NLK: variants seen among roughly 807,000 people sequenced by gnomAD.
NLK encodes the protein nemo like kinase.
In NLK, 11 loss-of-function variants were observed where a neutral mutation model predicts 59.0. The ratio of observed to expected loss-of-function variants is 0.19; its 90% CI spans 0.12 to 0.31. The LOEUF (loss-of-function observed/expected upper bound fraction) is 0.31, where lower values mean the gene tolerates loss of function less well. Ranked by LOEUF, NLK falls within the 10% of genes least tolerant of loss-of-function variation. The probability of loss-of-function intolerance (pLI) is 1.00; values close to 1 mark genes in which losing one functional copy is unlikely to be tolerated. For synonymous variants in NLK, 235 were observed against 235.9 expected (o/e 1.00, Z 0.03); for missense variants, 410 against 661.1 (o/e 0.62, Z 4.16).
Position 28,152,651 on chromosome 17 carries a change from C to T in NLK, c.645-8509C>T, listed in dbSNP as rs113269711. Among the ~76,000 whole-genome samples the T allele has an allele frequency of 8.8e-3, 1,329 of 151,842 alleles. 21 individuals carry two copies. The highest frequency in any genetic ancestry group is 0.03 in the African/African-American group (1,251 of 41,412). On this transcript the variant is annotated intron_variant, in intron 3 of 10. Transcript: ENST00000407008. ...TACTTTTTTTTTTTTGAGATGGGGA[C>T]TCAACTCTGTCACCCAGGTGGGAGT... is the stretch of plus-strand genomic sequence containing the variant.
Position 28,185,261 on chromosome 17 carries a change from AT to A in NLK, c.1233del (p.Pro412HisfsTer11). 6.4e-7 allele frequency: 1 copy of A among 1,561,098 alleles called. No individual in the cohort carries two copies. Among genetic ancestry groups the A allele is most frequent in the Non-Finnish European group, 8.7e-7 (1 of 1,147,504 alleles). On this transcript the variant is annotated frameshift_variant, in exon 8 of 11. Coordinates refer to ENST00000407008, the MANE Select transcript of NLK (RefSeq NM_016231.5). LOFTEE classifies it high-confidence loss of function. ...CTCCTTTGCAGGATGTTGGTCTTTG[AT>A]CCAGTAAGTAGTGTTTTTTTTTATA... ...VHLLCRMLVF[D>X]PSKRISAKDA...
chr17:28,127,645 G>A (rs1242487643), intron 2 of NLK, among the ~76,000 whole-genome samples: 1 of 152,128 alleles, frequency 6.6e-6, no homozygotes, highest in Non-Finnish European at 1.5e-5. Flanking sequence ...TGATTGATAG[G>A]TCTTTTCTTC....
chr17:28,077,879 G>A (rs974991039), intron 1 of NLK, among the ~76,000 whole-genome samples: 6 of 151,994 alleles, frequency 3.9e-5, no homozygotes, highest in South Asian at 4.2e-4. Flanking sequence ...CATAAGTTTC[G>A]AAGAAAGAGT....
At chr17:28,193,961 C>T (rs1028190338) in intron 10 of NLK, among the ~76,000 whole-genome samples, 1 of 152,124 alleles carries the variant, frequency 6.6e-6, no homozygotes, top group Non-Finnish European at 1.5e-5. Flanking sequence ...TACACTTTTC[C>T]CTCTCAAGTT....
At chr17:28,116,797 A>G (rs771724833) in intron 1 of NLK, among the ~76,000 whole-genome samples, 5 of 152,208 alleles carry the variant, frequency 3.3e-5, no homozygotes, top group Non-Finnish European at 5.9e-5. Context: ...TACTGAACAC[A>G]TATCTTTCAG....
chr17:28,060,831 A>G (rs1168097719), intron 1 of NLK, among the ~76,000 whole-genome samples: 1 of 152,188 alleles, frequency 6.6e-6, no homozygotes. Context: ...TGGAGTCTTG[A>G]TTGGAGAGCA....
intron 7 of NLK, among the ~76,000 whole-genome samples, chr17:28,184,213 G>C (rs1436719578): frequency 1.3e-5 from 2 of 152,218 alleles, no homozygotes; most frequent in Admixed American, 6.5e-5. Context: ...GGTTCTGTAA[G>C]TTCTTGCATG....
At chr17:28,115,590 G>A (rs1024770025) in intron 1 of NLK, among the ~76,000 whole-genome samples, 4 of 152,014 alleles carry the variant, frequency 2.6e-5, no homozygotes, top group South Asian at 4.1e-4. Flanking sequence ...TTTCAAAACC[G>A]ACCTATCCTT....
chr17:28,075,830 C>T (rs750366290), intron 1 of NLK, among the ~76,000 whole-genome samples: 5 of 152,128 alleles, frequency 3.3e-5, no homozygotes, highest in Non-Finnish European at 7.4e-5. Context: ...CCTCTTCCCG[C>T]ACCCTTTAAT....
At chr17:28,154,171 G>A (rs1907603187) in intron 3 of NLK, among the ~76,000 whole-genome samples, 1 of 152,214 alleles carries the variant, frequency 6.6e-6, no homozygotes, top group African/African-American at 2.4e-5. Flanking sequence ...GAAACAGGTT[G>A]ATTCTTGCTA....
Position 28,120,379 on chromosome 17 carries a change from T to A in NLK, c.459-2224T>A, listed in dbSNP as rs112620622. Among the ~76,000 whole-genome samples, 996 of 151,932 alleles carry A rather than the reference T, an allele frequency of 6.6e-3. 17 individuals are homozygous for A. Among genetic ancestry groups the A allele is most frequent in the African/African-American group, 0.022 (928 of 41,428 alleles). On this transcript the variant is annotated intron_variant, in intron 1 of 10. Coordinates refer to ENST00000407008, the MANE Select transcript of NLK (RefSeq NM_016231.5). ...TGTCTCAGCCTCCCAAAGTGCTGGGTTTAACAGGTGTGAGCCACTGCGCCC... is the reference window on the plus strand; with the variant it reads ...TGTCTCAGCCTCCCAAAGTGCTGGGATTAACAGGTGTGAGCCACTGCGCCC...
chr17:28,068,745 T>A (rs980716728), intron 1 of NLK, among the ~76,000 whole-genome samples: 4 of 152,348 alleles, frequency 2.6e-5, no homozygotes, highest in African/African-American at 4.8e-5. Flanking sequence ...AATGGCATGA[T>A]CATAGCTCAC....
intron 3 of NLK, among the ~76,000 whole-genome samples, chr17:28,158,683 G>A (rs1219718294): frequency 1.3e-5 from 2 of 151,550 alleles, no homozygotes; most frequent in Non-Finnish European, 2.9e-5. Flanking sequence ...AGGCTGGATT[G>A]CAGTGGTGCA....
At chr17:28,185,019 GC>G (rs1385671019) in intron 7 of NLK, among the ~76,000 whole-genome samples, 159 bp from the exon 8 acceptor site, 1 of 152,112 alleles carries the variant, frequency 6.6e-6, no homozygotes, top group Non-Finnish European at 1.5e-5. Flanking sequence ...AACAATTGTT[GC>G]TTTTGAAGAC....
intron 3 of NLK, among the ~76,000 whole-genome samples, chr17:28,148,660 A>C (rs1245915144): frequency 6.6e-6 from 1 of 152,230 alleles, no homozygotes; most frequent in African/African-American, 2.4e-5. Context: ...AATAGCCACA[A>C]GTTGTTATGA....
At chr17:28,124,977 G>C (rs1906233423) in intron 2 of NLK, among the ~76,000 whole-genome samples, 1 of 152,064 alleles carries the variant, frequency 6.6e-6, no homozygotes, top group Admixed American at 6.5e-5. Context: ...GAGCCTGGGA[G>C]GCAGAGGTTG....
intron 3 of NLK, among the ~76,000 whole-genome samples, chr17:28,143,583 TACA>T (rs1274507265): frequency 2.0e-5 from 3 of 152,232 alleles, no homozygotes; most frequent in Admixed American, 6.5e-5. Flanking sequence ...AATAATTTGA[TACA>T]ACATGTTGCC....
intron 3 of NLK, among the ~76,000 whole-genome samples, chr17:28,160,545 T>C (rs892003718): frequency 1.3e-5 from 2 of 152,130 alleles, no homozygotes; most frequent in Non-Finnish European, 2.9e-5. Flanking sequence ...ACCCTAAACA[T>C]ACAACAGAGT....
At chr17:28,128,267 A>C (rs1020835679) in intron 2 of NLK, among the ~76,000 whole-genome samples, 2 of 152,220 alleles carry the variant, frequency 1.3e-5, no homozygotes, top group Non-Finnish European at 2.9e-5. Flanking sequence ...TATTAATGTT[A>C]ATTTCTATTA....
Sources: allele counts gnomAD v4.1 joint callset (sites outside exome capture counted in the v4.1 genomes callset), GRCh38; gene constraint gnomAD v4.1.1; transcripts MANE v1.5; gene names NCBI Gene and HGNC (gene_info 2026-07-23, HGNC 2026-07-21).